Variants in VAV3 observed in about 807,000 individuals in gnomAD.
VAV3 encodes guanine nucleotide exchange factor VAV3.
In VAV3, 94 loss-of-function variants were observed where a neutral mutation model predicts 131.2. The observed-to-expected ratio is 0.72, with a 90% CI of 0.61 to 0.85. The LOEUF is 0.85. Ranked by LOEUF, VAV3 falls within the 40% of genes least tolerant of loss-of-function variation. VAV3 has a pLI of 0.00. For missense variants in VAV3, 939 were observed against 1,002.7 expected, an observed-to-expected ratio of 0.94 and a Z score of 0.86; for synonymous variants, 349 against 342.0, an observed-to-expected ratio of 1.02 and a Z score of -0.22.
intron 1 of VAV3, among the ~76,000 whole-genome samples, chr1:107,915,044 G>A (rs976616066): frequency 6.6e-6 from 1 of 152,194 alleles, no homozygotes; most frequent in African/African-American, 2.4e-5. Context: ...AGGTAGGAAT[G>A]TATCTGTAGG....
chr1:107,575,009 GCGCGCGCACA>G (rs1403923486), intron 25 of VAV3, among the ~76,000 whole-genome samples: 4,136 of 29,550 alleles, frequency 0.14, 112 homozygotes, highest in Non-Finnish European at 0.2. Flanking sequence ...GTGCGCGCGC[GCGCGCGCACA>G]CGCGCGCGTG....
intron 15 of VAV3, among the ~76,000 whole-genome samples, chr1:107,727,891 A>G (rs1183364769): frequency 1.3e-5 from 2 of 152,220 alleles, no homozygotes. Flanking sequence ...GAGTTTCATT[A>G]TAATTGAATA....
chr1:107,849,806 T>C (rs1257117835), intron 2 of VAV3, among the ~76,000 whole-genome samples: 1 of 152,188 alleles, frequency 6.6e-6, no homozygotes, highest in Admixed American at 6.5e-5. Context: ...GAGAAAATTT[T>C]TGCAATCTAT....
chr1:107,617,572 G>A lies in VAV3; in HGVS notation c.1975C>T (p.Pro659Ser), dbSNP rs1324008947. 1 of 1,611,244 alleles carries A rather than the reference G, an allele frequency of 6.2e-7. No individual in the cohort carries two copies. Among genetic ancestry groups the A allele is most frequent in the Non-Finnish European group, 8.5e-7 (1 of 1,178,662 alleles). Reference protein sequence around the residue: ...FFPSDAVKPCPCVPKPVDYSC... With the variant: ...FFPSDAVKPCSCVPKPVDYSC... ...ATTAAGATACTAATACTTACACATG[G>A]GCAAGGCTTGACTGCATCACTTGGA... Residue 659 changes from proline (P) to serine (S), a missense_variant, in exon 21 of 27, where the codon CCA becomes TCA. Pro to Ser is a moderately conservative substitution (Grantham distance 74). Coordinates refer to ENST00000370056, the MANE Select transcript of VAV3 (RefSeq NM_006113.5).
intron 2 of VAV3, among the ~76,000 whole-genome samples, chr1:107,797,194 A>C (rs1666590370): frequency 6.6e-6 from 1 of 152,232 alleles, no homozygotes; most frequent in African/African-American, 2.4e-5. Flanking sequence ...ATATAGTGTC[A>C]GAGAAATTAC....
intron 19 of VAV3, among the ~76,000 whole-genome samples, chr1:107,681,116 C>T (rs1055983091): frequency 4.5e-4 from 68 of 152,180 alleles, no homozygotes; most frequent in African/African-American, 1.6e-3. Flanking sequence ...GAAATTTGGA[C>T]CTGGTGAAGT....
intron 2 of VAV3, among the ~76,000 whole-genome samples, chr1:107,849,852 G>C (rs993084971): frequency 6.6e-6 from 1 of 152,030 alleles, no homozygotes; most frequent in Non-Finnish European, 1.5e-5. Flanking sequence ...GAATCTACAA[G>C]GAACTTAAAC....
chr1:107,639,397 A>G (rs559582735), intron 20 of VAV3, among the ~76,000 whole-genome samples: 1 of 152,194 alleles, frequency 6.6e-6, no homozygotes, highest in African/African-American at 2.4e-5. Context: ...AAAGCCACAG[A>G]TTAGGAGAAG....
At chr1:107,701,434 C>T (rs1660126662) in intron 17 of VAV3, among the ~76,000 whole-genome samples, 1 of 141,626 alleles carries the variant, frequency 7.1e-6, no homozygotes, top group Admixed American at 7.1e-5. Flanking sequence ...GCAGTGGGGC[C>T]CTTGATCCAG....
At chr1:107,840,776 A>G (rs905055040) in intron 2 of VAV3, among the ~76,000 whole-genome samples, 3 of 152,224 alleles carry the variant, frequency 2.0e-5, no homozygotes, top group African/African-American at 7.2e-5. Flanking sequence ...TTTTAAAAAT[A>G]AAAGGCAAAC....
At chr1:107,771,601 C>T (rs1015059522) in intron 5 of VAV3, among the ~76,000 whole-genome samples, 5 of 152,216 alleles carry the variant, frequency 3.3e-5, no homozygotes, top group African/African-American at 7.2e-5. Flanking sequence ...TTCTCTGACT[C>T]AGTTTTCTTA....
At chr1:107,618,566 C>T (rs1458644914) in intron 20 of VAV3, among the ~76,000 whole-genome samples, 1 of 152,140 alleles carries the variant, frequency 6.6e-6, no homozygotes, top group Non-Finnish European at 1.5e-5. Context: ...AATACTAATA[C>T]TTATTGAATC....
chr1:107,746,248 C>G (rs1236474422), intron 15 of VAV3, among the ~76,000 whole-genome samples: 1 of 152,190 alleles, frequency 6.6e-6, no homozygotes, highest in Non-Finnish European at 1.5e-5. Context: ...ATGGAATATT[C>G]TGATGCCTGC....
intron 1 of VAV3, among the ~76,000 whole-genome samples, chr1:107,885,917 G>C (rs1461712523): frequency 1.3e-5 from 2 of 152,192 alleles, no homozygotes; most frequent in Non-Finnish European, 2.9e-5. Flanking sequence ...TTGAGAAAGA[G>C]AGAAACACAT....
intron 19 of VAV3, among the ~76,000 whole-genome samples, chr1:107,675,654 C>T (rs2504469): frequency 0.38 from 57,366 of 152,004 alleles, 11,012 homozygotes; most frequent in Middle Eastern, 0.51. Flanking sequence ...CACATTCTTA[C>T]CCTGACCTTT....
At chr1:107,746,762 T>C (rs1663371525) in intron 15 of VAV3, among the ~76,000 whole-genome samples, 1 of 152,210 alleles carries the variant, frequency 6.6e-6, no homozygotes, top group Non-Finnish European at 1.5e-5. Context: ...TGGGATTACT[T>C]TCTGCTACCT....
intron 20 of VAV3, among the ~76,000 whole-genome samples, chr1:107,637,117 T>A (rs1411556337): frequency 6.6e-6 from 1 of 152,082 alleles, no homozygotes; most frequent in East Asian, 1.9e-4. Flanking sequence ...GATACATTAC[T>A]GATATCGGGA....
At chr1:107,777,050 A>G (rs1476724983) in intron 4 of VAV3, among the ~76,000 whole-genome samples, 181 bp downstream of exon 4, 1 of 152,240 alleles carries the variant, frequency 6.6e-6, no homozygotes, top group Admixed American at 6.5e-5. Flanking sequence ...GACACAAAAC[A>G]GGAACTAAAA....
chr1:107,596,799 G>A (rs981452988), intron 24 of VAV3, among the ~76,000 whole-genome samples: 3 of 152,062 alleles, frequency 2.0e-5, no homozygotes, highest in East Asian at 1.9e-4. Context: ...ATGCTTTTTC[G>A]TGGTAAACAA....
Sources: allele counts gnomAD v4.1 joint callset (sites outside exome capture counted in the v4.1 genomes callset), GRCh38; gene constraint gnomAD v4.1.1; transcripts MANE v1.5; gene names NCBI Gene and HGNC (gene_info 2026-07-23, HGNC 2026-07-21).